GRIN2B: variants seen among roughly 807,000 people sequenced by gnomAD.
The protein encoded by GRIN2B is glutamate receptor ionotropic, NMDA 2B.
A neutral mutation model predicts 114.5 loss-of-function variants in GRIN2B; 5 were observed. The observed-to-expected ratio is 0.04, with a 90% CI of 0.02 to 0.09. The LOEUF (loss-of-function observed/expected upper bound fraction) is 0.09. Among genes scored for constraint, GRIN2B ranks in the 10% least tolerant of loss-of-function variants. GRIN2B has a pLI of 1.00. For missense variants in GRIN2B, 1,108 were observed against 1,943.5 expected (o/e 0.57, Z 8.08); for synonymous variants, 787 against 745.1 (o/e 1.06, Z -0.92).
intron 2 of GRIN2B, among the ~76,000 whole-genome samples, chr12:13,895,110 C>T (rs1325537938): frequency 6.6e-6 from 1 of 152,086 alleles, no homozygotes; most frequent in Non-Finnish European, 1.5e-5. Context: ...AATATTAGAG[C>T]AACTAAGACT....
intron 3 of GRIN2B, among the ~76,000 whole-genome samples, chr12:13,789,662 G>A (rs888469904): frequency 4.6e-5 from 7 of 152,162 alleles, no homozygotes; most frequent in East Asian, 3.8e-4. Flanking sequence ...AGGATTAAGC[G>A]ATTCAGGGCT....
rs1489725355 is a variant in GRIN2B at position 13,546,606 on chromosome 12, A to T, written c.*16177T>A. On this transcript the variant is annotated 3_prime_UTR_variant, in exon 14 of 14. Transcript: ENST00000609686. ...CAAGCTTTTTGTCTGCTTGTCACTG[A>T]ATCTATTTCCCATTCAACCTTCTGT... 1 of 152,158 alleles carries T rather than the reference A, an allele frequency of 6.6e-6. No homozygotes were observed. Among genetic ancestry groups the T allele is most frequent in the Non-Finnish European group, 1.5e-5 (1 of 68,032 alleles). The allele number at this position is 152,158 out of a possible 1,614,324, so 9.4% of individuals were successfully genotyped here.
In GRIN2B at chr12:13,571,923, C is replaced by T; in HGVS notation, c.2052G>A (p.Gly684=). ...PNDFSPPFRF[G]TVPNGSTERN... ...TCTCTGTGCTGCCGTTGGGCACGGT[C>T]CCAAAGCGGAAAGGGGGTGAGAAGT... The change falls in exon 11 of 14, where the codon GGG becomes GGA. Residue 684 remains glycine (G), a synonymous_variant. Coordinates refer to ENST00000609686, the MANE Select transcript of GRIN2B (RefSeq NM_000834.5). 1 of 1,613,966 alleles carries T rather than the reference C, an allele frequency of 6.2e-7. No individual in the cohort carries two copies. The highest frequency in any genetic ancestry group is 8.5e-7 in the Non-Finnish European group (1 of 1,179,970).
At chr12:13,735,206 A>G (rs1591703408) in intron 4 of GRIN2B, among the ~76,000 whole-genome samples, 1 of 152,230 alleles carries the variant, frequency 6.6e-6, no homozygotes. Context: ...CCAATAAAAC[A>G]TGGTTACAAC....
At chr12:13,567,502 C>T (rs1019818143) in intron 12 of GRIN2B, among the ~76,000 whole-genome samples, 5 of 152,138 alleles carry the variant, frequency 3.3e-5, no homozygotes, top group African/African-American at 1.2e-4. Flanking sequence ...GTACCGCAGG[C>T]GATATGAACA....
At chr12:13,892,687 A>G (rs1004242682) in intron 2 of GRIN2B, among the ~76,000 whole-genome samples, 3 of 152,202 alleles carry the variant, frequency 2.0e-5, no homozygotes, top group African/African-American at 4.8e-5. Flanking sequence ...TAAATACAAA[A>G]CAGTCTCCTA....
rs142335983 is a variant in GRIN2B at position 13,732,701 on chromosome 12, T to C, written c.1010+20616A>G. 6.4e-4 allele frequency among the ~76,000 whole-genome samples: 98 copies of C among 152,360 alleles called. No homozygotes were observed. The Middle Eastern group carries it at 0.01, about 16-fold the overall frequency. ...GGATCATGTCTTTTCTATTGTGTTA[T>C]CCTTCACAGTGAGTATAGCTCTTTG... On this transcript the variant is annotated intron_variant, in intron 4 of 13. Transcript: ENST00000609686.
chr12:13,969,541 TC>T (rs1483906603), intron 2 of GRIN2B, among the ~76,000 whole-genome samples: 5 of 152,238 alleles, frequency 3.3e-5, no homozygotes, highest in Non-Finnish European at 5.9e-5. Context: ...AATATAATTT[TC>T]CATAGAAATT....
At chr12:13,737,977 T>C (rs1863214935) in intron 4 of GRIN2B, among the ~76,000 whole-genome samples, 1 of 152,194 alleles carries the variant, frequency 6.6e-6, no homozygotes, top group East Asian at 1.9e-4. Context: ...ACAGTAGACA[T>C]TGCCAAGATT....
At chr12:13,680,472 G>GTA (rs1950119857) in intron 4 of GRIN2B, among the ~76,000 whole-genome samples, 2 of 140,710 alleles carry the variant, frequency 1.4e-5, no homozygotes, top group African/African-American at 2.6e-5. Flanking sequence ...GTGTGTGTGT[G>GTA]TGTGTGTGTG....
At chr12:13,592,870 T>A (rs1337813449) in intron 10 of GRIN2B, among the ~76,000 whole-genome samples, 2 of 152,208 alleles carry the variant, frequency 1.3e-5, no homozygotes. Context: ...TAAACAAGCA[T>A]TCAACTTCCC....
intron 10 of GRIN2B, among the ~76,000 whole-genome samples, chr12:13,607,265 A>T (rs1459667294): frequency 5.6e-5 from 2 of 36,002 alleles, no homozygotes; most frequent in African/African-American, 1.8e-4. Context: ...ATTATATATA[A>T]TATATAAAAT....
Position 13,602,144 on chromosome 12 carries a change from C to T in GRIN2B, c.2010+6459G>A, listed in dbSNP as rs559812800. On this transcript the variant is annotated intron_variant, in intron 10 of 13. Transcript: ENST00000609686. ...AGAACAAAAGGCAAGTGTCCTCCCCCCTCTCATGTGCATTCTGTACCTCAG... is the reference window on the plus strand; with the variant it reads ...AGAACAAAAGGCAAGTGTCCTCCCCTCTCTCATGTGCATTCTGTACCTCAG... Among the ~76,000 whole-genome samples the T allele has an allele frequency of 1.4e-3, 211 of 152,242 alleles. 1 individual carries two copies. Among genetic ancestry groups the T allele is most frequent in the African/African-American group, 4.7e-3 (197 of 41,552 alleles).
At chr12:13,725,506 A>C (rs1341282047) in intron 4 of GRIN2B, among the ~76,000 whole-genome samples, 5 of 152,080 alleles carry the variant, frequency 3.3e-5, no homozygotes, top group African/African-American at 7.2e-5. Context: ...TCTTCAGCTA[A>C]ATTAGCAGCT....
chr12:13,544,893 T>G lies in GRIN2B; in HGVS notation c.*17890A>C, dbSNP rs1371330847. The G allele has an allele frequency of 6.6e-6, 1 of 152,270 alleles. No homozygotes were observed. Among genetic ancestry groups the G allele is most frequent in the Non-Finnish European group, 1.5e-5 (1 of 68,078 alleles). 9.4% of individuals were successfully genotyped at this position (152,270 alleles called of 1,614,324 possible). Reference sequence around the variant, plus strand: ...TTGTCTGCCCTCTCAGGGTATACTCTCAACACAGCAGTCCCAAAGCTTCCT... The same window carrying G: ...TTGTCTGCCCTCTCAGGGTATACTCGCAACACAGCAGTCCCAAAGCTTCCT... On this transcript the variant is annotated 3_prime_UTR_variant, in exon 14 of 14. Transcript: ENST00000609686.
intron 3 of GRIN2B, among the ~76,000 whole-genome samples, chr12:13,816,346 C>A (rs773573717): frequency 6.6e-6 from 1 of 152,168 alleles, no homozygotes. Flanking sequence ...AACTAATATT[C>A]TCCCCATCCT....
chr12:13,672,810 GT>G (rs1433545672), intron 5 of GRIN2B, among the ~76,000 whole-genome samples: 2 of 151,042 alleles, frequency 1.3e-5, no homozygotes, highest in Non-Finnish European at 2.9e-5. Context: ...TACATGTAAA[GT>G]ATGATCTACA....
intron 5 of GRIN2B, among the ~76,000 whole-genome samples, chr12:13,638,100 T>C (rs988233858): frequency 6.6e-6 from 1 of 152,116 alleles, no homozygotes; most frequent in African/African-American, 2.4e-5. Flanking sequence ...TATGTACTCC[T>C]TGACCTGAGC....
At chr12:13,849,149 T>G (rs576057859) in intron 3 of GRIN2B, among the ~76,000 whole-genome samples, 100 of 152,216 alleles carry the variant, frequency 6.6e-4, no homozygotes, top group African/African-American at 2.3e-3. Context: ...ATGTGCTGGT[T>G]AGATGTCTGG....
Sources: allele counts gnomAD v4.1 joint callset (sites outside exome capture counted in the v4.1 genomes callset), GRCh38; gene constraint gnomAD v4.1.1; transcripts MANE v1.5; gene names NCBI Gene and HGNC (gene_info 2026-07-23, HGNC 2026-07-21).